Variants in SDCCAG8 observed in about 807,000 individuals in gnomAD.
The protein encoded by SDCCAG8 is serologically defined colon cancer antigen 8.
SDCCAG8 carries 74 observed loss-of-function variants against 101.8 expected under a neutral mutation model. That is an observed-to-expected ratio of 0.73 (90% CI 0.60 to 0.88). The LOEUF (loss-of-function observed/expected upper bound fraction) is 0.88, where lower values mean the gene tolerates loss of function less well. Among genes scored for constraint, SDCCAG8 ranks in the 40% least tolerant of loss-of-function variants. The probability of loss-of-function intolerance (pLI) is 0.00; values close to 1 mark genes in which losing one functional copy is unlikely to be tolerated. For missense variants in SDCCAG8, 787 were observed against 822.6 expected (o/e 0.96, Z 0.53); for synonymous variants, 281 against 292.9 (o/e 0.96, Z 0.41).
chr1:243,312,960 C>A (rs780499952), intron 8 of SDCCAG8, among the ~76,000 whole-genome samples: 1 of 152,216 alleles, frequency 6.6e-6, no homozygotes, highest in Admixed American at 6.5e-5. Context: ...ACAGTAACCT[C>A]TTTTTCTTGC....
At chr1:243,492,821 G>C (rs1666896881) in intron 17 of SDCCAG8, among the ~76,000 whole-genome samples, 1 of 151,984 alleles carries the variant, frequency 6.6e-6, no homozygotes, top group South Asian at 2.1e-4. Context: ...AGGCCAGGCT[G>C]GTCTCGAACT....
chr1:243,498,201 T>G (rs1668512973), intron 17 of SDCCAG8, among the ~76,000 whole-genome samples: 1 of 151,990 alleles, frequency 6.6e-6, no homozygotes, highest in South Asian at 2.1e-4. Context: ...GGAGGGCACG[T>G]CAGCTTGGTG....
intron 6 of SDCCAG8, among the ~76,000 whole-genome samples, chr1:243,303,350 A>G (rs2071735103): frequency 6.6e-6 from 1 of 152,238 alleles, no homozygotes; most frequent in Admixed American, 6.5e-5. Context: ...GATATCATAT[A>G]GAAACATTTT....
intron 7 of SDCCAG8, chr1:243,305,504 A>T (rs1022337592): frequency 6.6e-6 from 1 of 152,102 alleles, no homozygotes; most frequent in Admixed American, 6.5e-5. Context: ...GAATTTGAGT[A>T]TATATGATGA....
chr1:243,403,282 A>G (rs992202937), intron 13 of SDCCAG8, among the ~76,000 whole-genome samples: 7 of 152,178 alleles, frequency 4.6e-5, no homozygotes, highest in Non-Finnish European at 7.3e-5. Flanking sequence ...ACGCTGGCCA[A>G]TGCTACCTCC....
Position 243,474,488 on chromosome 1 carries a change from G to A in SDCCAG8, c.1986-14526G>A, listed in dbSNP as rs573050553. 6.6e-6 allele frequency among the ~76,000 whole-genome samples: 1 copy of A among 152,290 alleles called. No homozygotes were observed. Among genetic ancestry groups the A allele is most frequent in the South Asian group, 2.1e-4 (1 of 4,830 alleles). Reference sequence around the variant, plus strand: ...CCTAGTATCCAGAGTCGAAGCAGCCGCCGGGAGGTCTGGGTGGGCAGGGAG... The same window carrying A: ...CCTAGTATCCAGAGTCGAAGCAGCCACCGGGAGGTCTGGGTGGGCAGGGAG... On this transcript the variant is annotated intron_variant, in intron 16 of 17. Transcript: ENST00000366541. The surrounding 1 kb of genome is among the most constrained non-coding windows in gnomAD (Gnocchi z 4.7).
At chr1:243,310,082 T>C (rs1381026680) in intron 8 of SDCCAG8, among the ~76,000 whole-genome samples, 1 of 152,130 alleles carries the variant, frequency 6.6e-6, no homozygotes, top group African/African-American at 2.4e-5. Context: ...TAGGATGGTC[T>C]CGATCTCTTG....
intron 1 of SDCCAG8, among the ~76,000 whole-genome samples, chr1:243,269,356 G>A (rs1164969267): frequency 6.8e-6 from 1 of 147,896 alleles, no homozygotes; most frequent in Non-Finnish European, 1.5e-5. Context: ...AGGCTGGAGT[G>A]CAGTGGTGCG....
chr1:243,460,123 T>C (rs1658771999), intron 16 of SDCCAG8, among the ~76,000 whole-genome samples: 1 of 152,222 alleles, frequency 6.6e-6, no homozygotes, highest in Non-Finnish European at 1.5e-5. Flanking sequence ...TGGAACATGA[T>C]GTTATTCACC....
chr1:243,395,203 A>G (rs1221475804), intron 13 of SDCCAG8, among the ~76,000 whole-genome samples: 1 of 152,212 alleles, frequency 6.6e-6, no homozygotes, highest in Non-Finnish European at 1.5e-5. Flanking sequence ...CAGTTTACTC[A>G]GAGTGAAGAG....
chr1:243,366,476 T>C (rs770506802), intron 12 of SDCCAG8, among the ~76,000 whole-genome samples: 4 of 152,012 alleles, frequency 2.6e-5, no homozygotes, highest in Admixed American at 6.6e-5. Context: ...TTAATAACTT[T>C]AATGTTTAGA....
chr1:243,404,971 A>G (rs767746679), intron 13 of SDCCAG8, among the ~76,000 whole-genome samples: 9 of 151,878 alleles, frequency 5.9e-5, no homozygotes, highest in African/African-American at 1.2e-4. Context: ...GGCTCAAGCA[A>G]TTCTCCTGTC....
At chr1:243,462,567 G>A (rs146436368) in intron 16 of SDCCAG8, among the ~76,000 whole-genome samples, 267 of 152,270 alleles carry the variant, frequency 1.8e-3, no homozygotes, top group Middle Eastern at 6.8e-3. Context: ...CCAACGCCCA[G>A]TAAAGAAGAC....
Position 243,286,335 on chromosome 1 carries a change from C to T in SDCCAG8, c.484C>T (p.Gln162Ter). Residue 162 changes from glutamine to a stop codon, truncating the protein, a stop_gained, in exon 5 of 18, where the codon CAA becomes TAA. Transcript: ENST00000366541. LOFTEE classifies it high-confidence loss of function. ...VVVLENEGLQ[Q>*]QLKSQRQEET... ...TGTGCTTGAAAACGAAGGGCTCCAG[C>T]AACAGCTAAAATCTCAAAGACAAGA... 4 of 1,613,844 alleles carry T rather than the reference C, an allele frequency of 2.5e-6. No homozygotes were observed. Among genetic ancestry groups the T allele is most frequent in the Non-Finnish European group, 2.5e-6 (3 of 1,179,726 alleles).
At chr1:243,297,623 C>A (rs1165250090) in intron 6 of SDCCAG8, among the ~76,000 whole-genome samples, 1 of 152,098 alleles carries the variant, frequency 6.6e-6, no homozygotes, top group African/African-American at 2.4e-5. Context: ...ATAGTATTGT[C>A]AATTTTTCTG....
chr1:243,340,638 C>T (rs2075331648), intron 10 of SDCCAG8, among the ~76,000 whole-genome samples: 1 of 152,208 alleles, frequency 6.6e-6, no homozygotes, highest in African/African-American at 2.4e-5. Context: ...CTCCTTAACT[C>T]TCCCCATCAG....
intron 10 of SDCCAG8, among the ~76,000 whole-genome samples, chr1:243,334,007 A>G (rs1447647710): frequency 6.6e-6 from 1 of 152,150 alleles, no homozygotes; most frequent in African/African-American, 2.4e-5. Context: ...AACCAGCTTT[A>G]CTTTCCACCT....
At chr1:243,435,376 CA>C (rs1310069935) in intron 16 of SDCCAG8, among the ~76,000 whole-genome samples, 1 of 152,270 alleles carries the variant, frequency 6.6e-6, no homozygotes, top group South Asian at 2.1e-4. Context: ...AAATAATCCA[CA>C]AAAAGGTCTT....
At chr1:243,476,976 C>T (rs1662536702) in intron 16 of SDCCAG8, among the ~76,000 whole-genome samples, 1 of 150,918 alleles carries the variant, frequency 6.6e-6, no homozygotes, top group Non-Finnish European at 1.5e-5. Context: ...ATGGTGCATG[C>T]AGCTTACTGT....
Sources: allele counts gnomAD v4.1 joint callset (sites outside exome capture counted in the v4.1 genomes callset), GRCh38; gene constraint gnomAD v4.1.1; non-coding constraint Gnocchi (gnomAD v3.1); transcripts MANE v1.5; gene names NCBI Gene and HGNC (gene_info 2026-07-23, HGNC 2026-07-21).